Variants in PTPRN2 observed in about 807,000 individuals in gnomAD.
PTPRN2 encodes the protein receptor-type tyrosine-protein phosphatase N2.
PTPRN2 carries 74 observed loss-of-function variants against 118.8 expected under a neutral mutation model. The observed-to-expected ratio is 0.62, with a 90% CI of 0.52 to 0.76. The LOEUF (loss-of-function observed/expected upper bound fraction) is 0.76. Ranked by LOEUF, PTPRN2 falls within the 30% of genes least tolerant of loss-of-function variation. PTPRN2 has a pLI of 0.00. For synonymous variants in PTPRN2, 641 were observed against 608.0 expected (o/e 1.05, Z -0.80); for missense variants, 1,481 against 1,394.4 (o/e 1.06, Z -0.99).
intron 11 of PTPRN2, among the ~76,000 whole-genome samples, chr7:157,947,269 C>T (rs1800546401): frequency 6.6e-6 from 1 of 152,176 alleles, no homozygotes; most frequent in South Asian, 2.1e-4. Flanking sequence ...ACTGAAGTAA[C>T]AAGTAAGCTG....
intron 21 of PTPRN2, among the ~76,000 whole-genome samples, chr7:157,562,915 A>G (rs1639794): frequency 0.94 from 80,106 of 85,224 alleles, 37,769 homozygotes; most frequent in Middle Eastern, 0.99. Context: ...ACCACACACC[A>G]CAGATCAGGA....
rs969180183 is a variant in PTPRN2, at chr7:158,110,866, G to A, written c.1606C>T (p.Leu536Phe). The A allele has an allele frequency of 1.9e-6, 3 of 1,588,808 alleles. No individual in the cohort carries two copies. The highest frequency in any genetic ancestry group is 3.5e-5 in the Admixed American group (2 of 57,654). ...GRRLVEDVAR[L>F]LQVPSSAFAD... ...AACGCACTGCTGGGCACCTGCAGGA[G>A]GCGGGCGACGTCCTCCACCAGCCGC... Residue 536 changes from leucine (L) to phenylalanine (F), a missense_variant, in exon 10 of 23, where the codon CTC becomes TTC. This residue lies in a region of PTPRN2 where 1,115 missense variants were observed against 994.2 expected (regional missense o/e 1.12). Transcript: ENST00000389418.
At chr7:158,518,868 C>G (rs1238765705) in intron 1 of PTPRN2, among the ~76,000 whole-genome samples, 1 of 152,036 alleles carries the variant, frequency 6.6e-6, no homozygotes, top group Admixed American at 6.6e-5. Context: ...GCCTGTAATC[C>G]CAGGTACTCG....
At chr7:158,273,259 G>T (rs1798633925) in intron 3 of PTPRN2, among the ~76,000 whole-genome samples, 1 of 152,212 alleles carries the variant, frequency 6.6e-6, no homozygotes, top group Non-Finnish European at 1.5e-5. Context: ...TCTTGAAAAT[G>T]ACACCGAACG....
chr7:158,535,030 C>T (rs1226873021), intron 1 of PTPRN2, among the ~76,000 whole-genome samples: 1 of 152,208 alleles, frequency 6.6e-6, no homozygotes, highest in Non-Finnish European at 1.5e-5. Context: ...AGAGACCAGC[C>T]ACCTCCAAAG....
chr7:157,714,983 G>A (rs936883759), intron 12 of PTPRN2, among the ~76,000 whole-genome samples: 5 of 152,310 alleles, frequency 3.3e-5, no homozygotes, highest in African/African-American at 9.6e-5. Flanking sequence ...AGGGAACGGC[G>A]CCCAGCCCCA....
At chr7:158,564,727 T>C (rs550016118) in intron 1 of PTPRN2, among the ~76,000 whole-genome samples, 1 of 152,324 alleles carries the variant, frequency 6.6e-6, no homozygotes, top group East Asian at 1.9e-4. Context: ...CACATGTTTA[T>C]TTAAAGCACA....
intron 12 of PTPRN2, among the ~76,000 whole-genome samples, chr7:157,873,734 G>A (rs551580585): frequency 5.9e-5 from 9 of 152,184 alleles, no homozygotes; most frequent in African/African-American, 1.7e-4. Flanking sequence ...AATTTCCTGC[G>A]CTGGTCTCTG....
chr7:157,856,012 G>T (rs1041110023), intron 12 of PTPRN2: 2 of 152,236 alleles, frequency 1.3e-5, no homozygotes, highest in African/African-American at 4.8e-5. Flanking sequence ...CCACACGGCG[G>T]ACCGGGTGGA....
chr7:157,880,291 C>T (rs757356691), intron 12 of PTPRN2, among the ~76,000 whole-genome samples: 4 of 152,136 alleles, frequency 2.6e-5, no homozygotes, highest in Non-Finnish European at 5.9e-5. Context: ...ACTGACATTT[C>T]TAAAATAAAT....
At chr7:158,077,926 G>A (rs67259319) in intron 11 of PTPRN2, among the ~76,000 whole-genome samples, 28,338 of 152,142 alleles carry the variant, frequency 0.19, 3,044 homozygotes, top group Non-Finnish European at 0.23. Context: ...GAGATTAAAC[G>A]TAGCTACCAG....
At position 158,393,385 on chromosome 7, in the gene PTPRN2, G is replaced by T. The variant is rs141371039; in HGVS notation, c.164-76453C>A. Among the ~76,000 whole-genome samples, 440 of 152,320 alleles carry T rather than the reference G, an allele frequency of 2.9e-3. 3 individuals are homozygous for T. Among genetic ancestry groups the T allele is most frequent in the African/African-American group, 0.01 (423 of 41,574 alleles). ...CTTAAACATCATCACCAGGGGGCACGTCGGAGGGACTTCGCTCTGGGAGAC... is the reference window on the plus strand; with the variant it reads ...CTTAAACATCATCACCAGGGGGCACTTCGGAGGGACTTCGCTCTGGGAGAC... On this transcript the variant is annotated intron_variant, in intron 2 of 22. Transcript: ENST00000389418.
At chr7:157,867,293 T>C (rs369507153) in intron 12 of PTPRN2, among the ~76,000 whole-genome samples, 12 of 46,068 alleles carry the variant, frequency 2.6e-4, no homozygotes, top group East Asian at 8.6e-4. Flanking sequence ...CACCACCCCG[T>C]CCCTGACGCC....
chr7:158,234,656 A>C (rs1829412917), intron 3 of PTPRN2, among the ~76,000 whole-genome samples: 1 of 152,324 alleles, frequency 6.6e-6, no homozygotes, highest in African/African-American at 2.4e-5. Context: ...TATAGGTGGT[A>C]AACAGATATA....
chr7:157,621,617 CCTT>C, intron 14 of PTPRN2, 108 bp from the exon 15 acceptor site: 2 of 1,413,912 alleles, frequency 1.4e-6, no homozygotes, highest in Non-Finnish European at 1.9e-6. Context: ...GCCATGCCCA[CCTT>C]GCTCACGAGC....
intron 12 of PTPRN2, among the ~76,000 whole-genome samples, chr7:157,814,475 C>A (rs1806262456): frequency 7.0e-6 from 1 of 143,140 alleles, no homozygotes; most frequent in South Asian, 2.2e-4. Context: ...CAGGAGGGGG[C>A]AGGACAGGGA....
At chr7:158,326,032 C>T (rs540540622) in intron 2 of PTPRN2, among the ~76,000 whole-genome samples, 7 of 152,316 alleles carry the variant, frequency 4.6e-5, no homozygotes, top group Non-Finnish European at 1.0e-4. Context: ...GAAACAGCAA[C>T]GTTGCAGGGC....
At chr7:157,856,438 G>A (rs1405803465) in intron 12 of PTPRN2, among the ~76,000 whole-genome samples, 2 of 152,196 alleles carry the variant, frequency 1.3e-5, no homozygotes, top group Non-Finnish European at 2.9e-5. Flanking sequence ...TTTTACTGGG[G>A]AGTGTTTGCT....
At position 157,845,535 on chromosome 7, in the gene PTPRN2, G is replaced by A. The variant is rs1010856657; in HGVS notation, c.1788+53138C>T. Reference sequence around the variant, plus strand: ...CTCAGCATGTTCCCGGCCACATCCCGGTGAACCATGCAGCCTAACTCACCA... The same window carrying A: ...CTCAGCATGTTCCCGGCCACATCCCAGTGAACCATGCAGCCTAACTCACCA... On this transcript the variant is annotated intron_variant, in intron 12 of 22. Transcript: ENST00000389418. The surrounding 1 kb of genome is among the most constrained non-coding windows in gnomAD (Gnocchi z 4.5). Among the ~76,000 whole-genome samples the A allele has an allele frequency of 5.3e-5, 8 of 152,108 alleles. No homozygotes were observed. Among genetic ancestry groups the A allele is most frequent in the South Asian group, 2.1e-4 (1 of 4,818 alleles).
Sources: allele counts gnomAD v4.1 joint callset (sites outside exome capture counted in the v4.1 genomes callset), GRCh38; gene constraint gnomAD v4.1.1; regional missense constraint gnomAD v4.1.1; non-coding constraint Gnocchi (gnomAD v3.1); transcripts MANE v1.5; gene names NCBI Gene and HGNC (gene_info 2026-07-23, HGNC 2026-07-21).